Variants in SHANK1 observed in about 807,000 individuals in gnomAD.
SHANK1 encodes SH3 and multiple ankyrin repeat domains 1.
In SHANK1, 35 loss-of-function variants were observed where a neutral mutation model predicts 165.6. The observed-to-expected ratio is 0.21, with a 90% CI of 0.16 to 0.28. The LOEUF (loss-of-function observed/expected upper bound fraction) is 0.28, where lower values mean the gene tolerates loss of function less well. Among genes scored for constraint, SHANK1 ranks in the 10% least tolerant of loss-of-function variants. The pLI is 1.00. For synonymous variants in SHANK1, 1,428 were observed against 1,384.8 expected (o/e 1.03, Z -0.69); for missense variants, 2,681 against 3,036.4 (o/e 0.88, Z 2.75).
At chr19:50,719,323 A>C in intron 1 of SHANK1, 83 bp downstream of exon 1, 1 of 149,524 alleles carries the variant, frequency 6.7e-6, no homozygotes. Flanking sequence ...GCGCCGGGCC[A>C]AGGACATCCG....
rs771990174 is a variant in SHANK1 at position 50,712,049 on chromosome 19, G to A, written c.858C>T (p.His286=). The A allele has an allele frequency of 6.2e-7, 1 of 1,613,892 alleles. No individual in the cohort carries two copies. Among genetic ancestry groups the A allele is most frequent in the Non-Finnish European group, 8.5e-7 (1 of 1,179,954 alleles). Residue 286 remains histidine (H), a synonymous_variant, in exon 7 of 24, where the codon CAC becomes CAT. Coordinates refer to ENST00000293441, the MANE Select transcript of SHANK1 (RefSeq NM_016148.5). ...KDRRGLTPLF[H]TAMVGGDPRC... is the part of the protein sequence containing the mutation. The stretch of plus-strand genomic sequence containing the variant: ...GGGGGTCACCACCCACCATGGCCGT[G>A]TGGAACAGAGGGGTCAGCCCCCGAC...
At position 50,718,498 on chromosome 19, in the gene SHANK1, G is replaced by T. The variant is rs2089094481; in HGVS notation, c.-44+908C>A. Among the ~76,000 whole-genome samples the T allele has an allele frequency of 6.6e-6, 1 of 152,160 alleles. No individual in the cohort carries two copies. Among genetic ancestry groups the T allele is most frequent in the Non-Finnish European group, 1.5e-5 (1 of 68,006 alleles). On this transcript the variant is annotated intron_variant, in intron 1 of 23. Coordinates refer to ENST00000293441, the MANE Select transcript of SHANK1 (RefSeq NM_016148.5). This position sits in a 1 kb window ranked among gnomAD's most constrained non-coding sequence, Gnocchi z 5.1. ...GCCCCAGCCCCCCCGGGCCGGCTCC[G>T]GCCCCTCCCCCTCAGGGCTCGCGGG...
chr19:50,687,963 G>GACC lies in SHANK1; in HGVS notation c.2265_2267dup (p.Val756dup). Reference sequence around the variant, plus strand: ...CCTCATCCATGTCCGGGTGCCTGGTGACCATCACCACCTTCACCATCAGCG... The same window carrying GACC: ...CCTCATCCATGTCCGGGTGCCTGGTGACCACCATCACCACCTTCACCATCAGCG... On this transcript the variant is annotated inframe_insertion, in exon 18 of 24. Transcript: ENST00000293441. 3.1e-6 allele frequency: 5 copies of GACC among 1,614,088 alleles called. No homozygotes were observed. The highest frequency in any genetic ancestry group is 4.2e-6 in the Non-Finnish European group (5 of 1,179,968).
In SHANK1 at chr19:50,667,056, G is replaced by C. The variant is rs1985556212; in HGVS notation, c.4904C>G (p.Thr1635Ser). The change falls in exon 23 of 24, where the codon ACC becomes AGC. Residue 1635 changes from threonine to serine, a missense_variant. By Grantham distance (58) the Thr-to-Ser change is moderately conservative. Coordinates refer to ENST00000293441, the MANE Select transcript of SHANK1 (RefSeq NM_016148.5). This position sits in a 1 kb window ranked among gnomAD's most constrained non-coding sequence, Gnocchi z 5.7. ...TSYDSEVATL[T>S]QGASAAPGDP... ...CCCAGGAGCGGCGGAGGCCCCCTGG[G>C]TCAGGGTGGCCACCTCGCTGTCATA... 2 of 1,551,822 alleles carry C rather than the reference G, an allele frequency of 1.3e-6. No individual in the cohort carries two copies. Among genetic ancestry groups the C allele is most frequent in the Non-Finnish European group, 8.7e-7 (1 of 1,153,224 alleles).
chr19:50,661,797 C>A lies in SHANK1; in HGVS notation c.*168G>T. 2 of 671,626 alleles carry A rather than the reference C, an allele frequency of 3.0e-6. No homozygotes were observed. Among genetic ancestry groups the A allele is most frequent in the Non-Finnish European group, 5.1e-6 (2 of 394,156 alleles). 41.6% of individuals were successfully genotyped at this position (671,626 alleles called of 1,614,324 possible). On this transcript the variant is annotated 3_prime_UTR_variant, in exon 24 of 24. Coordinates refer to ENST00000293441, the MANE Select transcript of SHANK1 (RefSeq NM_016148.5). The stretch of plus-strand genomic sequence containing the variant: ...CCCCCTTCAGTGAGGTGCAAATGTC[C>A]GGCCTGGATTGGGCCACCTGGTGAC...
Position 50,715,740 on chromosome 19 carries a change from A to G in SHANK1, c.460-10T>C. 1 of 1,612,704 alleles carries G rather than the reference A, an allele frequency of 6.2e-7. No homozygotes were observed. Among genetic ancestry groups the G allele is most frequent in the Non-Finnish European group, 8.5e-7 (1 of 1,178,782 alleles). ...GGGTCTTGTATCGGAACTGAGGTCA[A>G]GGGTAGGGTAGTGAGAGAGACACAG... is the stretch of plus-strand genomic sequence containing the variant. On this transcript the variant is annotated splice_polypyrimidine_tract_variant and intron_variant, in intron 3 of 23. Transcript: ENST00000293441.
Position 50,718,658 on chromosome 19 carries a change from C to T in SHANK1, c.-44+748G>A, listed in dbSNP as rs577471519. On this transcript the variant is annotated intron_variant, in intron 1 of 23. Coordinates refer to ENST00000293441, the MANE Select transcript of SHANK1 (RefSeq NM_016148.5). The surrounding 1 kb of genome is among the most constrained non-coding windows in gnomAD (Gnocchi z 5.1). Reference sequence around the variant, plus strand: ...GTGGAGGACGCGAGAGAGGGGGTGCCCTGGGAGGCTGTGGGGGGACAGGGG... The same window carrying T: ...GTGGAGGACGCGAGAGAGGGGGTGCTCTGGGAGGCTGTGGGGGGACAGGGG... 9.3e-5 allele frequency among the ~76,000 whole-genome samples: 14 copies of T among 151,322 alleles called. No individual in the cohort carries two copies. The South Asian group carries it at 2.7e-3, about 30-fold the overall frequency.
chr19:50,689,020 G>T, intron 16 of SHANK1, 52 bp from the exon 17 acceptor site: 1 of 1,370,960 alleles, frequency 7.3e-7, no homozygotes, highest in South Asian at 1.3e-5. Flanking sequence ...TGGAGAGGCC[G>T]AGCAGGGGAT....
rs768188950 is a variant in SHANK1 at position 50,716,803 on chromosome 19, C to G, written c.117G>C (p.Gly39=). Residue 39 remains glycine, a synonymous_variant, in exon 2 of 24, where the codon GGG becomes GGC. Transcript: ENST00000293441. This position sits in a 1 kb window ranked among gnomAD's most constrained non-coding sequence, Gnocchi z 8.4. ...GTGCCCCACTGCCCTGGCCCCGGGT[C>G]CCCCGGGGGCCTCGACCTGGCCCGT... is the stretch of plus-strand genomic sequence containing the variant. ...SPDGPGRGPR[G]TRGQGSGAPG... The G allele has an allele frequency of 2.5e-6, 4 of 1,589,744 alleles. No individual in the cohort carries two copies. The highest frequency in any genetic ancestry group is 1.9e-5 in the Admixed American group (1 of 53,904).
chr19:50,686,425 G>C lies in SHANK1; in HGVS notation c.2459-70C>G. 8.8e-7 allele frequency: 1 copy of C among 1,141,526 alleles called. No homozygotes were observed. The highest frequency in any genetic ancestry group is 1.3e-6 in the Non-Finnish European group (1 of 788,738). The allele number at this position is 1,141,526 out of a possible 1,614,324, so 70.7% of individuals were successfully genotyped here. Reference sequence around the variant, plus strand: ...AGTTTGCTTTGACCCGGGCCGCAAAGACCAGAGCTGCCGCCCGCAGTTCAT... The same window carrying C: ...AGTTTGCTTTGACCCGGGCCGCAAACACCAGAGCTGCCGCCCGCAGTTCAT... On this transcript the variant is annotated intron_variant, in intron 20 of 23. Coordinates refer to ENST00000293441, the MANE Select transcript of SHANK1 (RefSeq NM_016148.5). The surrounding 1 kb of genome is among the most constrained non-coding windows in gnomAD (Gnocchi z 5.7).
chr19:50,667,700 C>T lies in SHANK1; in HGVS notation c.4260G>A (p.Leu1420=), dbSNP rs1303748555. 4 of 1,344,660 alleles carry T rather than the reference C, an allele frequency of 3.0e-6. No homozygotes were observed. Among genetic ancestry groups the T allele is most frequent in the African/African-American group, 1.5e-5 (1 of 64,800 alleles). 83.3% of individuals were successfully genotyped at this position (1,344,660 alleles called of 1,614,324 possible). Reference sequence around the variant, plus strand: ...GGCTGCCCAGCCCGGCCCTGTACCCCAGCTCCCGGCGCGCAGGGTCCGGCG... The same window carrying T: ...GGCTGCCCAGCCCGGCCCTGTACCCTAGCTCCCGGCGCGCAGGGTCCGGCG... ...ASPPDPARRE[L]GYRAGLGSQE... is the part of the protein sequence containing the mutation. The change falls in exon 23 of 24, where the codon CTG becomes CTA. Residue 1420 remains leucine, a synonymous_variant. Transcript: ENST00000293441. This position sits in a 1 kb window ranked among gnomAD's most constrained non-coding sequence, Gnocchi z 5.7.
chr19:50,678,725 T>C (rs1458825929), intron 21 of SHANK1, among the ~76,000 whole-genome samples: 1 of 85,144 alleles, frequency 1.2e-5, no homozygotes, highest in Non-Finnish European at 2.4e-5. Flanking sequence ...AGTGGAGGAG[T>C]CAAAGGGAAA....
intron 23 of SHANK1, chr19:50,663,082 G>C (rs895849242): frequency 4.3e-6 from 1 of 233,782 alleles, no homozygotes; most frequent in Admixed American, 5.2e-5. Flanking sequence ...AGCACAGAGA[G>C]GTTAAATAAC....
In SHANK1 at chr19:50,667,686, C is replaced by A; in HGVS notation, c.4274G>T (p.Gly1425Val). The A allele has an allele frequency of 7.3e-7, 1 of 1,374,198 alleles. No homozygotes were observed. The highest frequency in any genetic ancestry group is 9.3e-7 in the Non-Finnish European group (1 of 1,072,004). 85.1% of individuals were successfully genotyped at this position (1,374,198 alleles called of 1,614,324 possible). A position where few individuals can be genotyped will look rare whatever the true frequency, so the allele number is the denominator to read the frequency against. Residue 1425 changes from glycine (G) to valine (V), a missense_variant, in exon 23 of 24, where the codon GGG becomes GTG. Transcript: ENST00000293441. The surrounding 1 kb of genome is among the most constrained non-coding windows in gnomAD (Gnocchi z 5.7). ...PARRELGYRA[G>V]LGSQEKSLPA... ...AAGGGACTTCTCCTGGCTGCCCAGC[C>A]CGGCCCTGTACCCCAGCTCCCGGCG...
At chr19:50,673,502 TCTC>T (rs776756002) in intron 21 of SHANK1, among the ~76,000 whole-genome samples, 21 of 151,992 alleles carry the variant, frequency 1.4e-4, no homozygotes, top group Non-Finnish European at 2.5e-4. Context: ...AGCGCGAAGT[TCTC>T]CTCGGCGAGA....
At chr19:50,705,046 C>G (rs955428355) in intron 8 of SHANK1, among the ~76,000 whole-genome samples, 6 of 150,864 alleles carry the variant, frequency 4.0e-5, no homozygotes, top group Admixed American at 6.6e-5. Context: ...GTCTCCCCCC[C>G]AGAAAAAAAA....
rs1985750340 is a variant in SHANK1 at position 50,670,509 on chromosome 19, A to G, written c.2675-1224T>C. Among the ~76,000 whole-genome samples the G allele has an allele frequency of 6.6e-6, 1 of 152,058 alleles. No homozygotes were observed. Among genetic ancestry groups the G allele is most frequent in the Non-Finnish European group, 1.5e-5 (1 of 68,004 alleles). On this transcript the variant is annotated intron_variant, in intron 22 of 23. Transcript: ENST00000293441. The surrounding 1 kb of genome is among the most constrained non-coding windows in gnomAD (Gnocchi z 4.1). ...TTTCTGTTAAAACCGAAGTCAGCTC[A>G]TGTCCCTCCTCTGCTTAGAGCCCTG...
Position 50,716,222 on chromosome 19 carries a change from T to G in SHANK1, c.459+53A>C. ...TGTTAAAAAGTGGGTGGGGGGCAGA[T>G]GTGTTTTAGGGCATGCCTTCTCTTA... On this transcript the variant is annotated intron_variant, in intron 3 of 23. Coordinates refer to ENST00000293441, the MANE Select transcript of SHANK1 (RefSeq NM_016148.5). This position sits in a 1 kb window ranked among gnomAD's most constrained non-coding sequence, Gnocchi z 8.4. 5.2e-6 allele frequency: 8 copies of G among 1,526,826 alleles called. No individual in the cohort carries two copies. Among genetic ancestry groups the G allele is most frequent in the Non-Finnish European group, 6.3e-6 (7 of 1,103,232 alleles). The allele number at this position is 1,526,826 out of a possible 1,614,324, so 94.6% of individuals were successfully genotyped here.
At position 50,708,302 on chromosome 19, in the gene SHANK1, C is replaced by A. The variant is rs1371807818; in HGVS notation, c.1077+3069G>T. ...CTGGGGGCACAGGGCCAGAGCACAG[C>A]CCCTAAGGTCACCTGCTCCTCATCC... is the stretch of plus-strand genomic sequence containing the variant. On this transcript the variant is annotated intron_variant, in intron 8 of 23. Transcript: ENST00000293441. 4.6e-5 allele frequency among the ~76,000 whole-genome samples: 7 copies of A among 152,162 alleles called. No individual in the cohort carries two copies. The South Asian group carries it at 1.4e-3, about 31-fold the overall frequency.
Sources: gnomAD v4.1 joint callset for allele counts (sites outside exome capture counted in the v4.1 genomes callset) on GRCh38, gnomAD v4.1.1 for gene constraint, Gnocchi (gnomAD v3.1) non-coding constraint, MANE v1.5 for transcripts, NCBI Gene and HGNC (gene_info 2026-07-23, HGNC 2026-07-21) for gene names.